Variants in ERC2 observed in about 807,000 individuals in gnomAD.
ERC2 encodes ELKS/RAB6-interacting/CAST family member 2.
A neutral mutation model predicts 114.8 loss-of-function variants in ERC2; 42 were observed. The ratio of observed to expected loss-of-function variants is 0.37; its 90% confidence interval spans 0.29 to 0.47. The LOEUF (loss-of-function observed/expected upper bound fraction) is 0.47, where lower values mean the gene tolerates loss of function less well. Ranked by LOEUF, ERC2 falls within the 20% of genes least tolerant of loss-of-function variation. The probability of loss-of-function intolerance (pLI) is 0.99; values close to 1 mark genes in which losing one functional copy is unlikely to be tolerated. For missense variants in ERC2, 939 were observed against 1,150.7 expected (o/e 0.82, Z 2.66); for synonymous variants, 454 against 425.5 (o/e 1.07, Z -0.82).
chr3:55,705,427 C>T (rs542383471), intron 15 of ERC2, among the ~76,000 whole-genome samples: 1 of 152,248 alleles, frequency 6.6e-6, no homozygotes, highest in East Asian at 1.9e-4. Flanking sequence ...TCCTTCATTC[C>T]TTTACTGGAT....
At chr3:55,621,849 A>T (rs1003167031) in intron 17 of ERC2, among the ~76,000 whole-genome samples, 1 of 152,176 alleles carries the variant, frequency 6.6e-6, no homozygotes, top group African/African-American at 2.4e-5. Context: ...GGATACGTGG[A>T]AAATGCCAGG....
chr3:56,261,917 T>C (rs867601605), intron 3 of ERC2, among the ~76,000 whole-genome samples: 8 of 152,294 alleles, frequency 5.3e-5, no homozygotes, highest in Middle Eastern at 3.4e-3. Flanking sequence ...TATGTGTCCA[T>C]GTGTTCTCAT....
chr3:56,357,042 A>AT (rs1172020142), intron 2 of ERC2, among the ~76,000 whole-genome samples: 2 of 152,034 alleles, frequency 1.3e-5, no homozygotes, highest in Non-Finnish European at 2.9e-5. Context: ...GATAGTAAAT[A>AT]TTTTTTGCAG....
chr3:55,974,230 C>T (rs1175136651), intron 12 of ERC2, among the ~76,000 whole-genome samples: 1 of 152,178 alleles, frequency 6.6e-6, no homozygotes, highest in Non-Finnish European at 1.5e-5. Flanking sequence ...CCTGACATAA[C>T]GATGAGGAAG....
rs558729908 is a variant in ERC2 at position 56,367,087 on chromosome 3, C to A, written c.657+67264G>T. On this transcript the variant is annotated intron_variant, in intron 2 of 17. Coordinates refer to ENST00000288221, the MANE Select transcript of ERC2 (RefSeq NM_015576.3). ...AGTCTAATTCTTCTCCAGAAAAAAA[C>A]TCTTGCTTCTTATATGTACTGTCAC... is the stretch of plus-strand genomic sequence containing the variant. Among the ~76,000 whole-genome samples the A allele has an allele frequency of 3.9e-5, 6 of 152,302 alleles. 1 individual carries two copies. The highest frequency in any genetic ancestry group is 1.4e-4 in the African/African-American group (6 of 41,558).
At chr3:55,616,054 C>G (rs572358790) in intron 17 of ERC2, among the ~76,000 whole-genome samples, 1 of 152,294 alleles carries the variant, frequency 6.6e-6, no homozygotes, top group South Asian at 2.1e-4. Flanking sequence ...GTGTCTCAGG[C>G]TGGTTTCCTT....
chr3:56,425,121 G>C (rs1209025971), intron 2 of ERC2, among the ~76,000 whole-genome samples: 1 of 152,100 alleles, frequency 6.6e-6, no homozygotes, highest in African/African-American at 2.4e-5. Context: ...TTCCTTTAGA[G>C]AACTGCTCCT....
chr3:55,988,287 A>C (rs2070788567), intron 11 of ERC2, among the ~76,000 whole-genome samples: 1 of 152,202 alleles, frequency 6.6e-6, no homozygotes. Context: ...AGACTTGCTC[A>C]AGGCCCACCA....
chr3:56,312,060 G>A (rs1375642420), intron 2 of ERC2, among the ~76,000 whole-genome samples: 1 of 152,146 alleles, frequency 6.6e-6, no homozygotes, highest in Non-Finnish European at 1.5e-5. Flanking sequence ...AAAGTATCCA[G>A]GAGGATGTGT....
chr3:55,541,463 G>A (rs898815463), intron 17 of ERC2, among the ~76,000 whole-genome samples: 20 of 152,142 alleles, frequency 1.3e-4, no homozygotes, highest in Non-Finnish European at 2.5e-4. Flanking sequence ...CCTGGTGGTA[G>A]GGTTGACTTT....
At chr3:55,857,006 T>A (rs2061815744) in intron 14 of ERC2, among the ~76,000 whole-genome samples, 1 of 150,210 alleles carries the variant, frequency 6.7e-6, no homozygotes, top group Admixed American at 6.7e-5. Context: ...TGCCAGAGAC[T>A]AAGGAAAAGG....
intron 7 of ERC2, among the ~76,000 whole-genome samples, chr3:56,032,987 GAAAGAA>G (rs1560057558): frequency 1.1e-3 from 97 of 91,480 alleles, no homozygotes; most frequent in Non-Finnish European, 1.3e-3. Flanking sequence ...GAGAAAGAAA[GAAAGAA>G]AGAAAGAAAG....
In ERC2 at chr3:55,875,878, T is replaced by A. The variant is rs985655530; in HGVS notation, c.2564+12511A>T. ...GCTTTTCAAGGCACCAGAACAGGGA[T>A]AGGAAAGGGGGAAAAAAGACAAAGA... On this transcript the variant is annotated intron_variant, in intron 14 of 17. Transcript: ENST00000288221. Among the ~76,000 whole-genome samples, 14 of 149,914 alleles carry A rather than the reference T, an allele frequency of 9.3e-5. No individual in the cohort carries two copies. The South Asian group carries it at 3.0e-3, about 32-fold the overall frequency.
At chr3:56,172,518 A>G (rs957896286) in intron 4 of ERC2, among the ~76,000 whole-genome samples, 3 of 152,210 alleles carry the variant, frequency 2.0e-5, no homozygotes, top group African/African-American at 7.2e-5. Flanking sequence ...GATTGAGAAG[A>G]TGCATTATCC....
intron 17 of ERC2, among the ~76,000 whole-genome samples, chr3:55,626,350 T>G (rs549878403): frequency 2.0e-5 from 3 of 152,162 alleles, no homozygotes; most frequent in Non-Finnish European, 4.4e-5. Context: ...TGGTTACTGA[T>G]GTAAGGACCC....
At chr3:55,632,950 C>T (rs1559772646) in intron 17 of ERC2, among the ~76,000 whole-genome samples, 1 of 152,308 alleles carries the variant, frequency 6.6e-6, no homozygotes. Context: ...ATGTGATCTT[C>T]CCATTTTATG....
At chr3:55,903,337 A>G (rs543223889) in intron 13 of ERC2, among the ~76,000 whole-genome samples, 40 of 152,366 alleles carry the variant, frequency 2.6e-4, no homozygotes, top group Non-Finnish European at 5.0e-4. Flanking sequence ...ATAACTCTGC[A>G]TCAAATGTAA....
At position 55,539,415 on chromosome 3, in the gene ERC2, C is replaced by CTTTTT. The variant is rs58749389; in HGVS notation, c.*40-28144_*40-28140dup. 6.3e-3 allele frequency among the ~76,000 whole-genome samples: 245 copies of CTTTTT among 39,134 alleles called. 12 individuals are homozygous for CTTTTT. The highest frequency in any genetic ancestry group is 0.019 in the African/African-American group (218 of 11,546). 25.7% of individuals were successfully genotyped at this position (39,134 alleles called of 152,430 possible). A position where few individuals can be genotyped will look rare whatever the true frequency, so the allele number is the denominator to read the frequency against. ...TCTCTCTCTCTCTCTTTTTTTCTTT[C>CTTTTT]TTTTTTTTTTTTTTTTTTTTTTTTT... On this transcript the variant is annotated intron_variant, in intron 17 of 17. Coordinates refer to ENST00000288221, the MANE Select transcript of ERC2 (RefSeq NM_015576.3).
chr3:55,752,539 C>A, intron 14 of ERC2, among the ~76,000 whole-genome samples: 1 of 152,166 alleles, frequency 6.6e-6, no homozygotes, highest in Non-Finnish European at 1.5e-5. Context: ...GGCCATAGAG[C>A]CTACAATAGG....
Sources: allele counts gnomAD v4.1 joint callset (sites outside exome capture counted in the v4.1 genomes callset), GRCh38; gene constraint gnomAD v4.1.1; transcripts MANE v1.5; gene names NCBI Gene and HGNC (gene_info 2026-07-23, HGNC 2026-07-21).